SCAP: variants seen among roughly 807,000 people sequenced by gnomAD.
SCAP encodes the protein SREBF chaperone.
SCAP carries 65 observed loss-of-function variants against 123.6 expected under a neutral mutation model. The ratio of observed to expected loss-of-function variants is 0.53; its 90% CI spans 0.43 to 0.65. The LOEUF (loss-of-function observed/expected upper bound fraction) is 0.65. Among genes scored for constraint, SCAP ranks in the 30% least tolerant of loss-of-function variants. The pLI is 0.00. For missense variants in SCAP, 1,398 were observed against 1,712.5 expected (o/e 0.82, Z 3.24); for synonymous variants, 740 against 726.3 (o/e 1.02, Z -0.30).
rs913675326 is a variant in SCAP at position 47,418,833 on chromosome 3, G to C, written c.1951C>G (p.Leu651Val). The change falls in exon 14 of 23, where the codon CTG becomes GTG. Residue 651 changes from leucine (L) to valine (V), a missense_variant. Transcript: ENST00000265565. Reference sequence around the variant, plus strand: ...AGCGTGACTGGGATGACGGGCAGCAGGCTGATGTACCTGGATTCGGACAGT... The same window carrying C: ...AGCGTGACTGGGATGACGGGCAGCACGCTGATGTACCTGGATTCGGACAGT... The part of the protein sequence containing the change: ...NITLAKRYIS[L>V]LPVIPVTLRL... The C allele has an allele frequency of 1.3e-6, 2 of 1,523,940 alleles. No homozygotes were observed. Among genetic ancestry groups the C allele is most frequent in the Non-Finnish European group, 1.8e-6 (2 of 1,139,154 alleles). 94.4% of individuals were successfully genotyped at this position (1,523,940 alleles called of 1,614,324 possible). A position where few individuals can be genotyped will look rare whatever the true frequency, so the allele number is the denominator to read the frequency against.
intron 1 of SCAP, among the ~76,000 whole-genome samples, chr3:47,466,805 C>A (rs2108016286): frequency 6.6e-6 from 1 of 152,212 alleles, no homozygotes; most frequent in South Asian, 2.1e-4. Flanking sequence ...AAACTTTTGG[C>A]CGGGCGTGGT....
At position 47,462,218 on chromosome 3, in the gene SCAP, T is replaced by A. The variant is rs534997037; in HGVS notation, c.-99+13581A>T. On this transcript the variant is annotated intron_variant, in intron 1 of 22. Coordinates refer to ENST00000265565, the MANE Select transcript of SCAP (RefSeq NM_012235.4). The stretch of plus-strand genomic sequence containing the variant: ...GCAGCCATCACCACCATCCATCTTT[T>A]TTATCTTCCTAAACTGAAACCTTTT... Among the ~76,000 whole-genome samples, 17 of 152,312 alleles carry A rather than the reference T, an allele frequency of 1.1e-4. No homozygotes were observed. In the South Asian group the frequency reaches 2.5e-3, roughly 22 times the overall value.
intron 1 of SCAP, among the ~76,000 whole-genome samples, chr3:47,466,014 T>G (rs961119830): frequency 1.3e-5 from 2 of 151,128 alleles, no homozygotes; most frequent in African/African-American, 4.9e-5. Flanking sequence ...GTGCCTGTAA[T>G]ATCAACTACT....
At chr3:47,464,592 A>C (rs1166906683) in intron 1 of SCAP, among the ~76,000 whole-genome samples, 1 of 152,212 alleles carries the variant, frequency 6.6e-6, no homozygotes, top group Non-Finnish European at 1.5e-5. Flanking sequence ...TGAAATAGGA[A>C]TAGAAGGCAA....
intron 1 of SCAP, among the ~76,000 whole-genome samples, chr3:47,448,010 A>C (rs1707113521): frequency 6.6e-6 from 1 of 150,564 alleles, no homozygotes; most frequent in Non-Finnish European, 1.5e-5. Context: ...CTCAAAAAAA[A>C]AAAAAAAAAA....
At position 47,439,582 on chromosome 3, in the gene SCAP, G is replaced by A. The variant is rs572500244; in HGVS notation, c.122+3290C>T. Among the ~76,000 whole-genome samples the A allele has an allele frequency of 5.3e-5, 8 of 152,222 alleles. No individual in the cohort carries two copies. The South Asian group carries it at 8.3e-4, about 16-fold the overall frequency. The stretch of plus-strand genomic sequence containing the variant: ...CTGGGTGCTCTTTTTATCCCATGGC[G>A]CACCCACTGCTTACCAGGGCAGGTT... On this transcript the variant is annotated intron_variant, in intron 2 of 22. Coordinates refer to ENST00000265565, the MANE Select transcript of SCAP (RefSeq NM_012235.4). This position sits in a 1 kb window ranked among gnomAD's most constrained non-coding sequence, Gnocchi z 4.0.
rs753490555 is a variant in SCAP at position 47,415,120 on chromosome 3, G to A, written c.3117C>T (p.Ala1039=). 4.3e-6 allele frequency: 7 copies of A among 1,612,096 alleles called. No homozygotes were observed. The South Asian group carries it at 6.6e-5, about 15-fold the overall frequency. ...LDFFSLETHT[A]LSPLQFRGTP... is the part of the protein sequence containing the mutation. ...GACCTCTAAACTGCAGGGGGCTGAGGGCAGTGTGGGTCTCCAAGGAGAAGA... is the reference window on the plus strand; with the variant it reads ...GACCTCTAAACTGCAGGGGGCTGAGAGCAGTGTGGGTCTCCAAGGAGAAGA... Residue 1039 remains alanine (A), a synonymous_variant, in exon 19 of 23, where the codon GCC becomes GCT. Coordinates refer to ENST00000265565, the MANE Select transcript of SCAP (RefSeq NM_012235.4).
At chr3:47,435,657 A>G (rs1004487556) in intron 2 of SCAP, among the ~76,000 whole-genome samples, 1 of 152,140 alleles carries the variant, frequency 6.6e-6, no homozygotes. Flanking sequence ...AAGTGCTGAG[A>G]TTACAGGCGT....
intron 2 of SCAP, among the ~76,000 whole-genome samples, chr3:47,435,463 TAAAC>T (rs1261207744): frequency 2.6e-5 from 2 of 76,348 alleles, no homozygotes; most frequent in African/African-American, 8.1e-5. Flanking sequence ...ATATATAATA[TAAAC>T]ATACACACAC....
chr3:47,422,348 G>T, intron 10 of SCAP, 94 bp downstream of exon 10: 1 of 1,073,392 alleles, frequency 9.3e-7, no homozygotes, highest in Non-Finnish European at 1.4e-6. Context: ...GGATGCCTGT[G>T]CTGAAGAGGG....
chr3:47,473,624 G>A (rs1204840401), intron 1 of SCAP, among the ~76,000 whole-genome samples: 1 of 152,158 alleles, frequency 6.6e-6, no homozygotes, highest in Non-Finnish European at 1.5e-5. Context: ...AACCACCAAT[G>A]GTGAGAGTAA....
intron 13 of SCAP, 146 bp from the exon 14 acceptor site, chr3:47,418,989 G>C: frequency 3.2e-6 from 3 of 936,342 alleles, no homozygotes; most frequent in East Asian, 2.8e-5. Flanking sequence ...GGGGACAGAG[G>C]TAGGTCCCTC....
chr3:47,445,437 G>T (rs1706996784), intron 1 of SCAP, among the ~76,000 whole-genome samples: 1 of 151,688 alleles, frequency 6.6e-6, no homozygotes, highest in African/African-American at 2.4e-5. Flanking sequence ...TAGTAGAAAT[G>T]GGATTTCATC....
Position 47,419,224 on chromosome 3 carries a change from T to C in SCAP, c.1940+104A>G, listed in dbSNP as rs1165333479. On this transcript the variant is annotated intron_variant, in intron 13 of 22. Transcript: ENST00000265565. The surrounding 1 kb of genome is among the most constrained non-coding windows in gnomAD (Gnocchi z 5.0). ...CCACCTCACAACCTTATGAACTGTT[T>C]TAATTATTTGCATAATTCAAACCTG... is the stretch of plus-strand genomic sequence containing the variant. 4.9e-6 allele frequency: 7 copies of C among 1,420,604 alleles called. No individual in the cohort carries two copies. Among genetic ancestry groups the C allele is most frequent in the African/African-American group, 1.4e-5 (1 of 69,808 alleles). The allele number at this position is 1,420,604 out of a possible 1,614,324, so 88.0% of individuals were successfully genotyped here.
chr3:47,417,665 T>G lies in SCAP; in HGVS notation c.2609A>C (p.Gln870Pro). The G allele has an allele frequency of 6.2e-7, 1 of 1,608,784 alleles. No individual in the cohort carries two copies. Among genetic ancestry groups the G allele is most frequent in the Non-Finnish European group, 8.5e-7 (1 of 1,178,594 alleles). The change falls in exon 17 of 23, where the codon CAG (glutamine) becomes CCG (proline). Residue 870 changes from glutamine (Q) to proline (P), a missense_variant. Gln to Pro is a moderately conservative substitution (Grantham distance 76). Transcript: ENST00000265565. ...GPPPPSLFGD[Q>P]PDLTCLIDTN... ...GTCAATTAAGCAGGTGAGGTCAGGCTGGTCCCCGAAGAGGGAAGGCGGCGG... is the reference window on the plus strand; with the variant it reads ...GTCAATTAAGCAGGTGAGGTCAGGCGGGTCCCCGAAGAGGGAAGGCGGCGG...
chr3:47,426,213 G>T (rs1215763824), intron 6 of SCAP, 44 bp from the exon 7 acceptor site: 1 of 1,581,610 alleles, frequency 6.3e-7, no homozygotes, highest in Non-Finnish European at 8.6e-7. Flanking sequence ...TGTTGCTCTT[G>T]GTTCTGGGGA....
chr3:47,418,626 T>TGGCC, intron 14 of SCAP, 29 bp downstream of exon 14: 3 of 1,459,536 alleles, frequency 2.1e-6, no homozygotes, highest in Non-Finnish European at 2.8e-6. Flanking sequence ...CCGCACTCTT[T>TGGCC]CCCACCCCAC....
At position 47,427,557 on chromosome 3, in the gene SCAP, G is replaced by C; in HGVS notation, c.521C>G (p.Pro174Arg). 1 of 1,614,172 alleles carries C rather than the reference G, an allele frequency of 6.2e-7. No homozygotes were observed. The highest frequency in any genetic ancestry group is 8.5e-7 in the Non-Finnish European group (1 of 1,180,018). ...LPEHGCLLLSPGNFWQNDWER... is the reference protein window; with the variant it reads ...LPEHGCLLLSRGNFWQNDWER... The stretch of plus-strand genomic sequence containing the variant: ...CCAGTCATTCTGCCAGAAGTTCCCA[G>C]GGGACAGCAGCAGGCATCCATGCTC... The change falls in exon 5 of 23, where the codon CCT becomes CGT. Residue 174 changes from proline (P) to arginine (R), a missense_variant. Physicochemically the swap from Pro to Arg is moderately radical, Grantham distance 103 (BLOSUM62 -2). Transcript: ENST00000265565.
rs34472664 is a variant in SCAP, at chr3:47,473,080, C to CAAAAAAAAAAAAAAAAAAAAAA, written c.-99+2718_-99+2719insTTTTTTTTTTTTTTTTTTTTTT. Among the ~76,000 whole-genome samples the CAAAAAAAAAAAAAAAAAAAAAA allele has an allele frequency of 5.1e-3, 193 of 38,030 alleles. 26 individuals carry two copies. The highest frequency in any genetic ancestry group is 8.2e-3 in the Admixed American group (18 of 2,186). 24.9% of individuals were successfully genotyped at this position (38,030 alleles called of 152,430 possible). A position where few individuals can be genotyped will look rare whatever the true frequency, so the allele number is the denominator to read the frequency against. On this transcript the variant is annotated intron_variant, in intron 1 of 22. Coordinates refer to ENST00000265565, the MANE Select transcript of SCAP (RefSeq NM_012235.4). The stretch of plus-strand genomic sequence containing the variant: ...GGGCAAGAAGAGCGAAACTCCATCT[C>CAAAAAAAAAAAAAAAAAAAAAA]AAAAAAAAAAAAAAAAAAACAGACT...
Sources: gnomAD v4.1 joint callset for allele counts (sites outside exome capture counted in the v4.1 genomes callset) on GRCh38, gnomAD v4.1.1 for gene constraint, Gnocchi (gnomAD v3.1) non-coding constraint, MANE v1.5 for transcripts, NCBI Gene and HGNC (gene_info 2026-07-23, HGNC 2026-07-21) for gene names.